AKAP8L: variants seen among roughly 807,000 people sequenced by gnomAD.
AKAP8L encodes A-kinase anchor protein 8-like.
AKAP8L carries 34 observed loss-of-function variants against 77.5 expected under a neutral mutation model. The observed-to-expected ratio is 0.44, with a 90% CI of 0.33 to 0.58. AKAP8L has a LOEUF of 0.58. Ranked by LOEUF, AKAP8L falls within the 20% of genes least tolerant of loss-of-function variation. The probability of loss-of-function intolerance (pLI) is 0.02; values close to 1 mark genes in which losing one functional copy is unlikely to be tolerated. For synonymous variants in AKAP8L, 342 were observed against 340.7 expected (o/e 1.00, Z -0.04); for missense variants, 806 against 887.6 (o/e 0.91, Z 1.17).
Position 15,399,854 on chromosome 19 carries a change from TG to T in AKAP8L, c.1048+440del, listed in dbSNP as rs1568267963. On this transcript the variant is annotated intron_variant, in intron 8 of 13. Coordinates refer to ENST00000397410, the MANE Select transcript of AKAP8L (RefSeq NM_014371.4). The surrounding 1 kb of genome is among the most constrained non-coding windows in gnomAD (Gnocchi z 6.1). ...TACCTGCTGGCGCTCATCACTCAGG[TG>T]GGGGGACACGGAATCCCAACAGGGG... The T allele has an allele frequency of 3.3e-6, 1 of 305,652 alleles. No homozygotes were observed. Among genetic ancestry groups the T allele is most frequent in the Non-Finnish European group, 6.2e-6 (1 of 160,880 alleles). 18.9% of individuals were successfully genotyped at this position (305,652 alleles called of 1,614,324 possible).
Position 15,398,567 on chromosome 19 carries a change from A to G in AKAP8L, c.1158-712T>C, listed in dbSNP as rs1224623312. The stretch of plus-strand genomic sequence containing the variant: ...CGGGGTCTGGGGCCTGGGCCGGAGC[A>G]GGCCGCCGTGGCAAGGGGCGGAGGA... On this transcript the variant is annotated intron_variant, in intron 9 of 13. Transcript: ENST00000397410. The surrounding 1 kb of genome is among the most constrained non-coding windows in gnomAD (Gnocchi z 9.2). The G allele has an allele frequency of 6.1e-6, 6 of 986,676 alleles. No individual in the cohort carries two copies. In the East Asian group the frequency reaches 5.7e-4, roughly 93 times the overall value. The allele number at this position is 986,676 out of a possible 1,614,324, so 61.1% of individuals were successfully genotyped here.
At chr19:15,416,905 C>T (rs1968217583) in intron 1 of AKAP8L, among the ~76,000 whole-genome samples, 1 of 152,198 alleles carries the variant, frequency 6.6e-6, no homozygotes, top group African/African-American at 2.4e-5. Flanking sequence ...GCCTCTAGGA[C>T]TTACCCTTAA....
intron 12 of AKAP8L, among the ~76,000 whole-genome samples, chr19:15,389,169 G>A (rs2145113718): frequency 6.7e-6 from 1 of 149,814 alleles, no homozygotes; most frequent in East Asian, 2.0e-4. Flanking sequence ...AGCTTGCAGT[G>A]TGCAGAGATG....
intron 12 of AKAP8L, among the ~76,000 whole-genome samples, chr19:15,387,372 A>G (rs1337684875): frequency 6.6e-6 from 1 of 152,238 alleles, no homozygotes; most frequent in African/African-American, 2.4e-5. Flanking sequence ...AGTGTTGGGA[A>G]GTGCAAGACT....
Position 15,401,155 on chromosome 19 carries a change from AG to A in AKAP8L, c.810del (p.Phe271SerfsTer82). On this transcript the variant is annotated frameshift_variant, in exon 5 of 14. Transcript: ENST00000397410. LOFTEE classifies it high-confidence loss of function. The surrounding 1 kb of genome is among the most constrained non-coding windows in gnomAD (Gnocchi z 6.2). ...RRTWKTWTTA[D>X]FRTKKKKRKQ... is the part of the protein sequence containing the mutation. ...GGAAGGCTGCCTCCACTCACTCGGA[AG>A]TCGGCTGTGGTCCAGGTCTTCCAGG... 1 of 1,605,922 alleles carries A rather than the reference AG, an allele frequency of 6.2e-7. No homozygotes were observed. The highest frequency in any genetic ancestry group is 8.5e-7 in the Non-Finnish European group (1 of 1,177,190).
chr19:15,404,964 A>G (rs1030489542), intron 2 of AKAP8L, among the ~76,000 whole-genome samples: 10 of 152,240 alleles, frequency 6.6e-5, no homozygotes, highest in African/African-American at 2.4e-4. Context: ...AAGCTGAGGA[A>G]CTGCTGATGA....
rs562732256 is a variant in AKAP8L at position 15,414,258 on chromosome 19, T to C, written c.14-3664A>G. 2.1e-3 allele frequency among the ~76,000 whole-genome samples: 321 copies of C among 151,962 alleles called. 1 individual carries two copies. The highest frequency in any genetic ancestry group is 7.3e-3 in the African/African-American group (303 of 41,450). On this transcript the variant is annotated intron_variant, in intron 1 of 13. Transcript: ENST00000397410. ...TTTTAGTAGAGACGGGTTTTCTCCA[T>C]GTTGGTCAGGCTGGTATCAAACTCC...
Position 15,397,628 on chromosome 19 carries a change from G to T in AKAP8L, c.1300-3C>A. 1.2e-6 allele frequency: 2 copies of T among 1,613,872 alleles called. No individual in the cohort carries two copies. Among genetic ancestry groups the T allele is most frequent in the Non-Finnish European group, 1.7e-6 (2 of 1,179,826 alleles). Reference sequence around the variant, plus strand: ...TTGGTCTTGTTAGTGACGTACTCCTGCAAGGAATATAAAGGTTCATGTGGG... The same window carrying T: ...TTGGTCTTGTTAGTGACGTACTCCTTCAAGGAATATAAAGGTTCATGTGGG... On this transcript the variant is annotated splice_region_variant and splice_polypyrimidine_tract_variant and intron_variant, in intron 10 of 13. Coordinates refer to ENST00000397410, the MANE Select transcript of AKAP8L (RefSeq NM_014371.4). The surrounding 1 kb of genome is among the most constrained non-coding windows in gnomAD (Gnocchi z 4.7).
rs1185350913 is a variant in AKAP8L, at chr19:15,403,819, G to C, written c.122-104C>G. Reference sequence around the variant, plus strand: ...ATACAAGGGTATCTTCTGTCACAGAGAGAGAAGACCCTAGCCACTGAAGCT... The same window carrying C: ...ATACAAGGGTATCTTCTGTCACAGACAGAGAAGACCCTAGCCACTGAAGCT... On this transcript the variant is annotated intron_variant, in intron 3 of 13. Coordinates refer to ENST00000397410, the MANE Select transcript of AKAP8L (RefSeq NM_014371.4). This position sits in a 1 kb window ranked among gnomAD's most constrained non-coding sequence, Gnocchi z 4.3. 2 of 1,135,760 alleles carry C rather than the reference G, an allele frequency of 1.8e-6. No individual in the cohort carries two copies. Among genetic ancestry groups the C allele is most frequent in the Admixed American group, 2.1e-5 (1 of 48,580 alleles). The allele number at this position is 1,135,760 out of a possible 1,614,324, so 70.4% of individuals were successfully genotyped here.
In AKAP8L at chr19:15,399,611, G is replaced by A. The variant is rs1967849396; in HGVS notation, c.1049-201C>T. 13 of 590,734 alleles carry A rather than the reference G, an allele frequency of 2.2e-5. No homozygotes were observed. The highest frequency in any genetic ancestry group is 3.9e-5 in the Non-Finnish European group (13 of 329,928). 36.6% of individuals were successfully genotyped at this position (590,734 alleles called of 1,614,324 possible). The stretch of plus-strand genomic sequence containing the variant: ...TTTGGCCTAGGCCCCAAGGAGTGGG[G>A]GCCAGGCGATGACCCCTCCACTCTC... On this transcript the variant is annotated intron_variant, in intron 8 of 13. Coordinates refer to ENST00000397410, the MANE Select transcript of AKAP8L (RefSeq NM_014371.4). The surrounding 1 kb of genome is among the most constrained non-coding windows in gnomAD (Gnocchi z 6.1).
Position 15,398,491 on chromosome 19 carries a change from A to G in AKAP8L, c.1158-636T>C. 1.3e-6 allele frequency: 1 copy of G among 797,076 alleles called. No individual in the cohort carries two copies. The highest frequency in any genetic ancestry group is 1.5e-6 in the Non-Finnish European group (1 of 657,256). The allele number at this position is 797,076 out of a possible 1,614,324, so 49.4% of individuals were successfully genotyped here. ...CTCGGCCTGCCAGAGGGCAGCCTGG[A>G]GTCACCTGGGCGAGGTGCTCTGTCT... On this transcript the variant is annotated intron_variant, in intron 9 of 13. Transcript: ENST00000397410. The surrounding 1 kb of genome is among the most constrained non-coding windows in gnomAD (Gnocchi z 9.2).
rs367982175 is a variant in AKAP8L at position 15,400,822 on chromosome 19, G to T, written c.956C>A (p.Thr319Asn). The part of the protein sequence containing the change: ...EGEATEGLEG[T>N]EAVEKGSRVD... ...TCTGGAGCCCTTCTCCACAGCCTCGGTGCCTTCAAGGCCCTCTGTGGCTTC... is the reference window on the plus strand; with the variant it reads ...TCTGGAGCCCTTCTCCACAGCCTCGTTGCCTTCAAGGCCCTCTGTGGCTTC... The change falls in exon 7 of 14, where the codon ACC (threonine) becomes AAC (asparagine). Residue 319 changes from threonine (T) to asparagine (N), a missense_variant. Transcript: ENST00000397410. The T allele has an allele frequency of 3.1e-6, 5 of 1,614,010 alleles. No individual in the cohort carries two copies. The South Asian group carries it at 5.5e-5, about 18-fold the overall frequency.
rs1568269391 is a variant in AKAP8L at position 15,401,590 on chromosome 19, CATA to C, written c.373_375del (p.Tyr125del). The C allele has an allele frequency of 6.3e-7, 1 of 1,595,348 alleles. No homozygotes were observed. The highest frequency in any genetic ancestry group is 1.7e-5 in the Admixed American group (1 of 58,502). ...AGGACGGCCCTCGAGTCGCAGGACT[CATA>C]AGAGTCATACCTGCAGAGGCATGGG... On this transcript the variant is annotated inframe_deletion, in exon 5 of 14. Coordinates refer to ENST00000397410, the MANE Select transcript of AKAP8L (RefSeq NM_014371.4). The surrounding 1 kb of genome is among the most constrained non-coding windows in gnomAD (Gnocchi z 6.2).
intron 12 of AKAP8L, among the ~76,000 whole-genome samples, chr19:15,386,724 T>G (rs1481674081): frequency 6.6e-6 from 1 of 152,216 alleles, no homozygotes; most frequent in African/African-American, 2.4e-5. Flanking sequence ...AATGGCGTGA[T>G]ATCGGCTCAC....
intron 12 of AKAP8L, among the ~76,000 whole-genome samples, chr19:15,388,623 T>G (rs1282438029): frequency 6.6e-6 from 1 of 152,098 alleles, no homozygotes; most frequent in Non-Finnish European, 1.5e-5. Context: ...ACTTAAGAAT[T>G]AGTGAACTTG....
At chr19:15,394,739 C>T (rs74819526) in intron 12 of AKAP8L, among the ~76,000 whole-genome samples, 1,919 of 152,068 alleles carry the variant, frequency 0.013, 23 homozygotes, top group Admixed American at 0.021. Flanking sequence ...ACTTTAAATG[C>T]GTGAATTGTA....
intron 1 of AKAP8L, among the ~76,000 whole-genome samples, chr19:15,412,374 T>C (rs775155614): frequency 1.3e-5 from 2 of 151,944 alleles, no homozygotes; most frequent in Non-Finnish European, 2.9e-5. Flanking sequence ...AGAGCAAGAC[T>C]CCATCTCAAA....
At chr19:15,390,418 CAAA>C (rs34396645) in intron 12 of AKAP8L, among the ~76,000 whole-genome samples, 29 of 109,260 alleles carry the variant, frequency 2.7e-4, no homozygotes, top group Admixed American at 4.8e-4. Flanking sequence ...GACCCTGTCT[CAAA>C]AAAAAAAAAA....
chr19:15,398,274 T>A lies in AKAP8L; in HGVS notation c.1158-419A>T, dbSNP rs1337045568. On this transcript the variant is annotated intron_variant, in intron 9 of 13. Coordinates refer to ENST00000397410, the MANE Select transcript of AKAP8L (RefSeq NM_014371.4). This position sits in a 1 kb window ranked among gnomAD's most constrained non-coding sequence, Gnocchi z 9.2. Reference sequence around the variant, plus strand: ...CTGAGGTGCAGAGTGGAGTACGCAGTCCCGAGGCAGGGCCCGAAAAGGTGC... The same window carrying A: ...CTGAGGTGCAGAGTGGAGTACGCAGACCCGAGGCAGGGCCCGAAAAGGTGC... The A allele has an allele frequency of 9.8e-6, 2 of 203,552 alleles. No homozygotes were observed. The highest frequency in any genetic ancestry group is 1.0e-5 in the Non-Finnish European group (1 of 98,584). 12.6% of individuals were successfully genotyped at this position (203,552 alleles called of 1,614,324 possible).
Sources: allele counts gnomAD v4.1 joint callset (sites outside exome capture counted in the v4.1 genomes callset), GRCh38; gene constraint gnomAD v4.1.1; non-coding constraint Gnocchi (gnomAD v3.1); transcripts MANE v1.5; gene names NCBI Gene and HGNC (gene_info 2026-07-23, HGNC 2026-07-21).